The following PCDH9 variants were observed in gnomAD, a reference collection of about 807,000 sequenced individuals.
The protein encoded by PCDH9 is protocadherin-9.
A neutral mutation model predicts 70.6 loss-of-function variants in PCDH9; 24 were observed. The ratio of observed to expected loss-of-function variants is 0.34; its 90% CI spans 0.25 to 0.48. PCDH9 has a LOEUF of 0.48. PCDH9 is among the 20% of genes least tolerant of loss of function. The pLI is 0.99. For synonymous variants in PCDH9, 562 were observed against 558.5 expected, an observed-to-expected ratio of 1.01 and a Z score of -0.09; for missense variants, 1,281 against 1,503.6, an observed-to-expected ratio of 0.85 and a Z score of 2.45.
At chr13:66,670,912 TAA>T (rs35287889) in intron 3 of PCDH9, among the ~76,000 whole-genome samples, 4,216 of 120,184 alleles carry the variant, frequency 0.035, 88 homozygotes, top group African/African-American at 0.044. Context: ...TGTTCTTATT[TAA>T]AAAAAAAAAA....
chr13:66,708,270 C>T (rs532965048), intron 3 of PCDH9, among the ~76,000 whole-genome samples: 3 of 151,714 alleles, frequency 2.0e-5, no homozygotes, highest in Non-Finnish European at 4.4e-5. Context: ...GGGATGGTCT[C>T]GATCTCCTGA....
intron 3 of PCDH9, among the ~76,000 whole-genome samples, chr13:66,681,607 T>A (rs920290639): frequency 2.0e-5 from 3 of 152,098 alleles, no homozygotes; most frequent in Non-Finnish European, 2.9e-5. Flanking sequence ...TATTTGAACA[T>A]GTCACACTGC....
At chr13:66,782,540 A>G (rs1278328700) in intron 3 of PCDH9, among the ~76,000 whole-genome samples, 1 of 152,210 alleles carries the variant, frequency 6.6e-6, no homozygotes, top group East Asian at 1.9e-4. Flanking sequence ...AAAGAAAAAA[A>G]GCCAACAATG....
chr13:66,319,942 C>A (rs1195373844), intron 4 of PCDH9, among the ~76,000 whole-genome samples: 1 of 152,032 alleles, frequency 6.6e-6, no homozygotes, highest in Non-Finnish European at 1.5e-5. Flanking sequence ...TTAATGCTGA[C>A]AGGCACAATC....
chr13:66,818,951 C>CAAAAAACAAAAAACA (rs1555272003), intron 3 of PCDH9, among the ~76,000 whole-genome samples: 8 of 150,390 alleles, frequency 5.3e-5, no homozygotes, highest in Admixed American at 2.0e-4. Flanking sequence ...AAACAAAAAA[C>CAAAAAACAAAAAACA]AAAAAACAAA....
intron 3 of PCDH9, among the ~76,000 whole-genome samples, chr13:66,877,436 A>G (rs1367530646): frequency 6.6e-6 from 1 of 151,252 alleles, no homozygotes; most frequent in African/African-American, 2.4e-5. Context: ...AAAGGTTCCC[A>G]AAGTGCTTTT....
chr13:66,752,862 A>T (rs753314459), intron 3 of PCDH9, among the ~76,000 whole-genome samples: 3 of 152,196 alleles, frequency 2.0e-5, no homozygotes, highest in Non-Finnish European at 4.4e-5. Context: ...CATGAGAGTA[A>T]ACAAATCTCA....
chr13:66,827,945 A>G (rs750925631), intron 3 of PCDH9, among the ~76,000 whole-genome samples: 7 of 152,212 alleles, frequency 4.6e-5, no homozygotes, highest in Non-Finnish European at 7.3e-5. Context: ...TGCATTAATT[A>G]AACAAAAAAG....
intron 4 of PCDH9, among the ~76,000 whole-genome samples, chr13:66,321,646 C>A (rs1027185724): frequency 1.3e-5 from 2 of 151,858 alleles, no homozygotes; most frequent in Admixed American, 1.3e-4. Flanking sequence ...AAAATGGTCA[C>A]TATAGATGAG....
rs367904882 is a variant in PCDH9, at chr13:66,694,905, C to CTT, written c.3139-63496_3139-63495dup. On this transcript the variant is annotated intron_variant, in intron 3 of 4. Coordinates refer to ENST00000377865, the MANE Select transcript of PCDH9 (RefSeq NM_203487.3). ...AAAATGCATAGTCATCACTTACATA[C>CTT]TTTTTTTTTTTTTTTTGAGACAGAG... Among the ~76,000 whole-genome samples, 10 of 141,754 alleles carry CTT rather than the reference C, an allele frequency of 7.1e-5. 1 individual carries two copies. The highest frequency in any genetic ancestry group is 2.2e-4 in the South Asian group (1 of 4,466). The allele number at this position is 141,754 out of a possible 152,430, so 93.0% of individuals were successfully genotyped here.
At chr13:66,831,406 A>G (rs566043847) in intron 3 of PCDH9, among the ~76,000 whole-genome samples, 1 of 152,314 alleles carries the variant, frequency 6.6e-6, no homozygotes, top group Middle Eastern at 3.4e-3. Flanking sequence ...TATCTTTCAT[A>G]TTCTGAATTT....
At chr13:66,920,369 A>C (rs1006034537) in intron 2 of PCDH9, among the ~76,000 whole-genome samples, 2 of 151,120 alleles carry the variant, frequency 1.3e-5, no homozygotes, top group African/African-American at 4.8e-5. Flanking sequence ...AACTTTCTGA[A>C]AATTCCTGAG....
intron 4 of PCDH9, among the ~76,000 whole-genome samples, chr13:66,502,495 C>G (rs1959181890): frequency 6.6e-6 from 1 of 152,004 alleles, no homozygotes; most frequent in Non-Finnish European, 1.5e-5. Flanking sequence ...GGTAACAAAA[C>G]TATATAAACA....
chr13:66,752,084 A>T (rs1306621688), intron 3 of PCDH9, among the ~76,000 whole-genome samples: 1 of 152,196 alleles, frequency 6.6e-6, no homozygotes, highest in African/African-American at 2.4e-5. Context: ...TCAATCAAAT[A>T]GCTCAAGGAA....
chr13:66,391,148 T>G (rs767068390), intron 4 of PCDH9, among the ~76,000 whole-genome samples: 1 of 152,206 alleles, frequency 6.6e-6, no homozygotes, highest in African/African-American at 2.4e-5. Context: ...AGTCTAATGC[T>G]GTAATATAAA....
At chr13:67,220,155 T>C (rs567917295) in intron 2 of PCDH9, 1 of 150,878 alleles carries the variant, frequency 6.6e-6, no homozygotes, top group African/African-American at 2.4e-5. Flanking sequence ...AAAAAAAAAA[T>C]TAGAAATAAA....
intron 4 of PCDH9, among the ~76,000 whole-genome samples, chr13:66,421,124 T>C (rs1452000816): frequency 1.3e-5 from 2 of 150,548 alleles, no homozygotes; most frequent in African/African-American, 4.9e-5. Context: ...AAGACAAGAT[T>C]AGAGAAAAAA....
chr13:66,382,742 A>G (rs1459872834), intron 4 of PCDH9, among the ~76,000 whole-genome samples: 1 of 152,150 alleles, frequency 6.6e-6, no homozygotes, highest in East Asian at 1.9e-4. Flanking sequence ...ATTCTTAATT[A>G]TTTTGTGGCC....
intron 2 of PCDH9, chr13:67,202,997 G>A (rs948545272): frequency 2.0e-5 from 3 of 152,076 alleles, no homozygotes; most frequent in African/African-American, 7.2e-5. Flanking sequence ...AGTTAATGAA[G>A]CAAATCTCTA....
Sources: gnomAD v4.1 joint callset for allele counts (sites outside exome capture counted in the v4.1 genomes callset) on GRCh38, gnomAD v4.1.1 for gene constraint, MANE v1.5 for transcripts, NCBI Gene and HGNC (gene_info 2026-07-23, HGNC 2026-07-21) for gene names.